AOPEP: variants seen among roughly 807,000 people sequenced by gnomAD.
AOPEP encodes aminopeptidase O.
AOPEP carries 77 observed loss-of-function variants against 98.1 expected under a neutral mutation model. The ratio of observed to expected loss-of-function variants is 0.78; its 90% confidence interval spans 0.65 to 0.95. The LOEUF is 0.95. Ranked by LOEUF, AOPEP falls within the 40% of genes least tolerant of loss-of-function variation. AOPEP has a pLI of 0.00. For missense variants in AOPEP, 1,024 were observed against 1,024.7 expected (o/e 1.00, Z 0.01); for synonymous variants, 346 against 365.3 (o/e 0.95, Z 0.60).
At chr9:95,008,382 G>C (rs2062203262) in intron 13 of AOPEP, among the ~76,000 whole-genome samples, 1 of 152,174 alleles carries the variant, frequency 6.6e-6, no homozygotes, top group Non-Finnish European at 1.5e-5. Context: ...GACCTGCCCG[G>C]GAAAGGAAAA....
At chr9:94,960,504 A>G (rs996660691) in intron 9 of AOPEP, among the ~76,000 whole-genome samples, 3 of 151,820 alleles carry the variant, frequency 2.0e-5, no homozygotes, top group Non-Finnish European at 4.4e-5. Context: ...ATTTTTATAT[A>G]TTAAGATTTA....
Position 94,807,575 on chromosome 9 carries a change from A to G in AOPEP, c.1364+6573A>G, listed in dbSNP as rs181522605. The stretch of plus-strand genomic sequence containing the variant: ...CCTTGCCATTTTTTCCATTGCAAAG[A>G]AAAGGCTTTTTCCCCCGCCTTGCCA... On this transcript the variant is annotated intron_variant, in intron 5 of 16. Transcript: ENST00000375315. Among the ~76,000 whole-genome samples the G allele has an allele frequency of 1.5e-4, 23 of 152,338 alleles. No homozygotes were observed. The East Asian group carries it at 4.4e-3, about 29-fold the overall frequency.
At chr9:94,953,486 A>G (rs2058250121) in intron 7 of AOPEP, among the ~76,000 whole-genome samples, 1 of 152,116 alleles carries the variant, frequency 6.6e-6, no homozygotes, top group Admixed American at 6.5e-5. Context: ...ATATTTTATT[A>G]AGTTTATTAG....
Position 94,792,832 on chromosome 9 carries a change from A to T in AOPEP, c.1032A>T (p.Gly344=). The T allele has an allele frequency of 1.2e-6, 2 of 1,613,858 alleles. No individual in the cohort carries two copies. The highest frequency in any genetic ancestry group is 2.2e-5 in the East Asian group (1 of 44,876). The change falls in exon 4 of 17, where the codon GGA becomes GGT. Residue 344 remains glycine (G), a synonymous_variant. Transcript: ENST00000375315. ...CCTCCACCTTCACAATTGCAGTGGG[A>T]TGCTGGACAGAAATGAAGATGGAGA... is the stretch of plus-strand genomic sequence containing the variant. ...MPASTFTIAV[G]CWTEMKMETW...
intron 2 of AOPEP, among the ~76,000 whole-genome samples, chr9:94,764,467 C>T (rs1237193642): frequency 8.6e-5 from 13 of 151,826 alleles, no homozygotes; most frequent in Admixed American, 2.0e-4. Flanking sequence ...GCCAACATGG[C>T]GAAACCCCAT....
At chr9:95,040,665 G>A (rs1230278659) in intron 13 of AOPEP, among the ~76,000 whole-genome samples, 9 of 152,218 alleles carry the variant, frequency 5.9e-5, no homozygotes, top group Non-Finnish European at 2.9e-5. Context: ...GCCTATTGCT[G>A]ATGGGCATAG....
the AOPEP span, chr9:95,114,674 T>C: frequency 1.2e-6 from 2 of 1,614,216 alleles, no homozygotes; most frequent in South Asian, 1.1e-5. Context: ...TTCAGAAATA[T>C]GCTTCAGTGT....
At chr9:94,870,679 G>C (rs908367188) in intron 5 of AOPEP, among the ~76,000 whole-genome samples, 5 of 152,222 alleles carry the variant, frequency 3.3e-5, no homozygotes, top group African/African-American at 1.2e-4. Flanking sequence ...CTGGTGCCAG[G>C]TGATGACTAG....
In AOPEP at chr9:94,760,141, G is replaced by C; in HGVS notation, c.358G>C (p.Glu120Gln). 2 of 1,614,184 alleles carry C rather than the reference G, an allele frequency of 1.2e-6. No individual in the cohort carries two copies. Among genetic ancestry groups the C allele is most frequent in the Non-Finnish European group, 1.7e-6 (2 of 1,180,028 alleles). The change falls in exon 2 of 17, where the codon GAA (glutamate) becomes CAA (glutamine). Residue 120 changes from glutamate (E) to glutamine (Q), a missense_variant. Glu to Gln is a conservative substitution (Grantham distance 29). Coordinates refer to ENST00000375315, the MANE Select transcript of AOPEP (RefSeq NM_001193329.3). Reference protein sequence around the residue: ...SDKDGNHDNQEHASGISSSKY... With the variant: ...SDKDGNHDNQQHASGISSSKY... Reference sequence around the variant, plus strand: ...TAAAGATGGTAACCATGACAACCAGGAACATGCTTCTGGGATTTCTAGCTC... The same window carrying C: ...TAAAGATGGTAACCATGACAACCAGCAACATGCTTCTGGGATTTCTAGCTC...
chr9:94,951,102 C>T (rs2058072268), intron 7 of AOPEP, among the ~76,000 whole-genome samples: 1 of 152,204 alleles, frequency 6.6e-6, no homozygotes, highest in African/African-American at 2.4e-5. Context: ...ACAACAGAAA[C>T]CAAGGGCATT....
At chr9:95,101,552 G>T in the AOPEP span, 1 of 882,922 alleles carries the variant, frequency 1.1e-6, no homozygotes. Context: ...TTGTAAAATA[G>T]ATACTAGCAG....
chr9:95,114,408 T>C, the AOPEP span: 3 of 627,710 alleles, frequency 4.8e-6, no homozygotes, highest in African/African-American at 1.8e-5. Context: ...ATACAGGTAT[T>C]GGCACATGCA....
At chr9:95,073,843 G>C (rs944101840) in intron 14 of AOPEP, among the ~76,000 whole-genome samples, 2 of 152,196 alleles carry the variant, frequency 1.3e-5, no homozygotes, top group African/African-American at 4.8e-5. Context: ...TGGCAACAAA[G>C]TGAGACTCGG....
intron 14 of AOPEP, among the ~76,000 whole-genome samples, chr9:95,064,431 CA>C (rs750064463): frequency 3.9e-5 from 6 of 152,224 alleles, no homozygotes; most frequent in Non-Finnish European, 7.3e-5. Context: ...AGCTGGATTA[CA>C]GGTGCCCACC....
At chr9:94,799,803 A>G (rs184617328) in intron 4 of AOPEP, among the ~76,000 whole-genome samples, 22 of 152,206 alleles carry the variant, frequency 1.4e-4, no homozygotes, top group African/African-American at 5.3e-4. Context: ...TGGAAGTTGC[A>G]GTGAGCTTAA....
At chr9:94,876,850 G>GTT (rs1239569962) in intron 5 of AOPEP, among the ~76,000 whole-genome samples, 1 of 152,150 alleles carries the variant, frequency 6.6e-6, no homozygotes, top group Non-Finnish European at 1.5e-5. Flanking sequence ...GTTCCATTAA[G>GTT]TGTTTTGGTT....
chr9:94,746,259 G>A (rs945881149), intron 1 of AOPEP, among the ~76,000 whole-genome samples: 13 of 152,028 alleles, frequency 8.6e-5, no homozygotes, highest in Admixed American at 7.2e-4. Flanking sequence ...TCATGTCATG[G>A]TTACTTGGAT....
chr9:95,031,256 A>G (rs1343278791), intron 13 of AOPEP, among the ~76,000 whole-genome samples: 1 of 152,218 alleles, frequency 6.6e-6, no homozygotes, highest in Non-Finnish European at 1.5e-5. Flanking sequence ...ATTTACCAGT[A>G]TGTATTTAAT....
chr9:94,823,269 T>A (rs187250105), intron 5 of AOPEP, among the ~76,000 whole-genome samples: 1 of 152,332 alleles, frequency 6.6e-6, no homozygotes, highest in Admixed American at 6.5e-5. Flanking sequence ...GTGCTGGGAT[T>A]ACAGGCGTGA....
Sources: gnomAD v4.1 joint callset for allele counts (sites outside exome capture counted in the v4.1 genomes callset) on GRCh38, gnomAD v4.1.1 for gene constraint, MANE v1.5 for transcripts, NCBI Gene and HGNC (gene_info 2026-07-23, HGNC 2026-07-21) for gene names.